Variants in HS3ST5 observed in about 807,000 individuals in gnomAD.
HS3ST5 encodes the protein heparan sulfate-glucosamine 3-sulfotransferase 5.
Under a neutral mutation model 25.4 loss-of-function variants are expected in HS3ST5, and 10 were observed. That is an observed-to-expected ratio of 0.39 (90% CI 0.24 to 0.67). The LOEUF (loss-of-function observed/expected upper bound fraction) is 0.67. Among genes scored for constraint, HS3ST5 ranks in the 30% least tolerant of loss-of-function variants. The pLI is 0.44. For missense variants in HS3ST5, 324 were observed against 420.7 expected (o/e 0.77, Z 2.01); for synonymous variants, 170 against 162.4 (o/e 1.05, Z -0.36).
chr6:114,313,025 G>GAAAAACAAAAAA (rs1775597521), intron 1 of HS3ST5, among the ~76,000 whole-genome samples: 1 of 16,122 alleles, frequency 6.2e-5, no homozygotes, highest in African/African-American at 2.3e-4. Flanking sequence ...CCCTGCATCA[G>GAAAAACAAAAAA]AAAAAAAAAA....
At chr6:114,100,301 A>G (rs1458575972) in intron 3 of HS3ST5, among the ~76,000 whole-genome samples, 1 of 152,188 alleles carries the variant, frequency 6.6e-6, no homozygotes, top group Non-Finnish European at 1.5e-5. Flanking sequence ...CAGACGATAG[A>G]GAGGCATCCT....
chr6:114,299,980 G>T lies in HS3ST5; in HGVS notation c.-339+42215C>A, dbSNP rs1016769165. Among the ~76,000 whole-genome samples, 8 of 152,150 alleles carry T rather than the reference G, an allele frequency of 5.3e-5. No homozygotes were observed. In the South Asian group the frequency reaches 1.0e-3, roughly 20 times the overall value. On this transcript the variant is annotated intron_variant, in intron 1 of 4. Transcript: ENST00000312719. The stretch of plus-strand genomic sequence containing the variant: ...CCCTCTCTCATGTTCTAACACCAGA[G>T]AAATGGTCCTTAAGTGCTGGTGAAG...
intron 3 of HS3ST5, among the ~76,000 whole-genome samples, chr6:114,071,786 A>G (rs1773838794): frequency 6.6e-6 from 1 of 152,216 alleles, no homozygotes; most frequent in Admixed American, 6.5e-5. Flanking sequence ...AAAAAAATCG[A>G]ATACTCATAT....
intron 2 of HS3ST5, among the ~76,000 whole-genome samples, chr6:114,182,230 C>A (rs752368774): frequency 6.6e-6 from 1 of 152,064 alleles, no homozygotes; most frequent in Non-Finnish European, 1.5e-5. Flanking sequence ...GATTGATCAT[C>A]CCTAAGCTGC....
At chr6:114,280,753 T>G (rs1337521781) in intron 1 of HS3ST5, among the ~76,000 whole-genome samples, 1 of 152,048 alleles carries the variant, frequency 6.6e-6, no homozygotes, top group East Asian at 1.9e-4. Flanking sequence ...TGTATGCCTT[T>G]GAAGGTAATC....
chr6:114,316,254 A>G (rs1775742767), intron 1 of HS3ST5, among the ~76,000 whole-genome samples: 1 of 152,218 alleles, frequency 6.6e-6, no homozygotes, highest in South Asian at 2.1e-4. Context: ...CTGTGTATAG[A>G]TAATTATTTG....
intron 1 of HS3ST5, among the ~76,000 whole-genome samples, chr6:114,294,531 C>T (rs1002616877): frequency 1.3e-5 from 2 of 150,794 alleles, no homozygotes; most frequent in African/African-American, 2.5e-5. Flanking sequence ...CTGCAAGCTC[C>T]GCCTCCCGGG....
intron 1 of HS3ST5, among the ~76,000 whole-genome samples, chr6:114,274,696 T>A (rs1773774185): frequency 6.6e-6 from 1 of 152,006 alleles, no homozygotes; most frequent in Non-Finnish European, 1.5e-5. Flanking sequence ...TTATAAAGGA[T>A]ATTCAGGTAT....
Position 114,301,282 on chromosome 6 carries a change from G to C in HS3ST5, c.-339+40913C>G, listed in dbSNP as rs148609611. On this transcript the variant is annotated intron_variant, in intron 1 of 4. Coordinates refer to ENST00000312719, the MANE Select transcript of HS3ST5 (RefSeq NM_153612.4). ...ATAAGTTCATTTTTAGTTCATCTTT[G>C]TTATTTTTCTAGGAAAAGTTAATTT... Among the ~76,000 whole-genome samples the C allele has an allele frequency of 8.6e-3, 1,306 of 152,242 alleles. 24 individuals carry two copies. Among genetic ancestry groups the C allele is most frequent in the African/African-American group, 0.03 (1,257 of 41,552 alleles).
chr6:114,339,013 CT>C (rs1382731054), intron 1 of HS3ST5, among the ~76,000 whole-genome samples: 34 of 152,088 alleles, frequency 2.2e-4, no homozygotes, highest in Admixed American at 2.2e-3. Flanking sequence ...CTTGTTCTCT[CT>C]TTTAAGCTAT....
At chr6:114,102,543 A>C (rs1355059401) in intron 3 of HS3ST5, among the ~76,000 whole-genome samples, 2 of 152,192 alleles carry the variant, frequency 1.3e-5, no homozygotes, top group Non-Finnish European at 2.9e-5. Context: ...AGACAGGGAT[A>C]ACTTAAAGGT....
At chr6:114,070,825 A>G (rs1773775769) in intron 3 of HS3ST5, among the ~76,000 whole-genome samples, 1 of 152,070 alleles carries the variant, frequency 6.6e-6, no homozygotes, top group Non-Finnish European at 1.5e-5. Flanking sequence ...GTCAGAATCC[A>G]CCCAGTTTCT....
chr6:114,340,598 CCAAA>C (rs552245409), intron 1 of HS3ST5: 3 of 151,998 alleles, frequency 2.0e-5, no homozygotes, highest in African/African-American at 7.2e-5. Context: ...TGAGCAATGA[CCAAA>C]CAGAGAGAGG....
At chr6:114,313,025 G>GGA (rs1775597190) in intron 1 of HS3ST5, among the ~76,000 whole-genome samples, 1 of 16,122 alleles carries the variant, frequency 6.2e-5, no homozygotes, top group African/African-American at 2.3e-4. Flanking sequence ...CCCTGCATCA[G>GGA]AAAAAAAAAA....
intron 1 of HS3ST5, among the ~76,000 whole-genome samples, chr6:114,289,963 T>C (rs1365310068): frequency 6.6e-6 from 1 of 152,158 alleles, no homozygotes; most frequent in Non-Finnish European, 1.5e-5. Context: ...ATAGATTTCT[T>C]TTATAATAAT....
At chr6:114,084,136 C>T (rs1774632678) in intron 3 of HS3ST5, 5 of 673,452 alleles carry the variant, frequency 7.4e-6, no homozygotes, top group Admixed American at 6.4e-5. Context: ...AACCTTATTG[C>T]CATGTTGCTT....
intron 1 of HS3ST5, among the ~76,000 whole-genome samples, chr6:114,300,291 T>C (rs1475887750): frequency 6.6e-6 from 1 of 152,038 alleles, no homozygotes; most frequent in Admixed American, 6.6e-5. Context: ...ATATAACATA[T>C]AAAGAATACT....
chr6:114,233,531 T>C (rs1369801890), intron 1 of HS3ST5, among the ~76,000 whole-genome samples: 1 of 152,130 alleles, frequency 6.6e-6, no homozygotes, highest in Non-Finnish European at 1.5e-5. Flanking sequence ...AGATTAACTA[T>C]AAAGAAGCTG....
chr6:114,264,362 C>T (rs1056796128), intron 1 of HS3ST5, among the ~76,000 whole-genome samples: 3 of 152,148 alleles, frequency 2.0e-5, no homozygotes, highest in Admixed American at 2.0e-4. Flanking sequence ...CACGTATAAT[C>T]TACGTTTTGA....
Sources: allele counts gnomAD v4.1 joint callset (sites outside exome capture counted in the v4.1 genomes callset), GRCh38; gene constraint gnomAD v4.1.1; transcripts MANE v1.5; gene names NCBI Gene and HGNC (gene_info 2026-07-23, HGNC 2026-07-21).